RPS6KC1: variants seen among roughly 807,000 people sequenced by gnomAD.
The protein encoded by RPS6KC1 is ribosomal protein S6 kinase C1, also known as inactive ribosomal protein S6 kinase delta-1.
In RPS6KC1, 54 loss-of-function variants were observed where a neutral mutation model predicts 103.8. The observed-to-expected ratio is 0.52, with a 90% CI of 0.42 to 0.65. RPS6KC1 has a LOEUF of 0.65. Ranked by LOEUF, RPS6KC1 falls within the 30% of genes least tolerant of loss-of-function variation. RPS6KC1 has a pLI of 0.00. For synonymous variants in RPS6KC1, 439 were observed against 438.7 expected (o/e 1.00, Z -0.01); for missense variants, 1,151 against 1,253.8 (o/e 0.92, Z 1.24).
At chr1:213,296,554 G>T in the RPS6KC1 span, among the ~76,000 whole-genome samples, 1 of 152,194 alleles carries the variant, frequency 6.6e-6, no homozygotes, top group Non-Finnish European at 1.5e-5. Context: ...AACTGTAGAA[G>T]ATAATCAGCC....
the RPS6KC1 span, among the ~76,000 whole-genome samples, chr1:213,402,303 G>A: frequency 3.3e-5 from 5 of 152,136 alleles, no homozygotes; most frequent in Non-Finnish European, 7.3e-5. Context: ...CCCAGATGCC[G>A]CCAGCTGGTG....
the RPS6KC1 span, among the ~76,000 whole-genome samples, chr1:213,847,033 C>T: frequency 6.6e-6 from 1 of 152,162 alleles, no homozygotes; most frequent in East Asian, 1.9e-4. Context: ...TCTTGACCCT[C>T]CAGTGAGAGC....
At chr1:213,368,437 C>T in the RPS6KC1 span, among the ~76,000 whole-genome samples, 1 of 152,028 alleles carries the variant, frequency 6.6e-6, no homozygotes, top group Non-Finnish European at 1.5e-5. Context: ...TGAACTTCAT[C>T]CTAAAGTAAT....
chr1:213,539,437 A>G, the RPS6KC1 span, among the ~76,000 whole-genome samples: 24 of 152,200 alleles, frequency 1.6e-4, no homozygotes, highest in Admixed American at 1.6e-3. Context: ...TTTCTTTTTC[A>G]TGAGCCGTTC....
chr1:213,683,278 T>C, the RPS6KC1 span, among the ~76,000 whole-genome samples: 1 of 152,280 alleles, frequency 6.6e-6, no homozygotes, highest in African/African-American at 2.4e-5. Context: ...ATCTCCTCAG[T>C]TGCTTCCTGT....
chr1:213,069,013 A>G (rs2078623018), intron 1 of RPS6KC1, among the ~76,000 whole-genome samples: 1 of 151,858 alleles, frequency 6.6e-6, no homozygotes, highest in Non-Finnish European at 1.5e-5. Flanking sequence ...AGCTATGATC[A>G]TGCCATGGCA....
At chr1:213,591,846 C>T in the RPS6KC1 span, among the ~76,000 whole-genome samples, 1 of 152,208 alleles carries the variant, frequency 6.6e-6, no homozygotes, top group African/African-American at 2.4e-5. Flanking sequence ...AGTGCCCCTT[C>T]ACACCTTTCC....
chr1:213,594,559 A>G, the RPS6KC1 span, among the ~76,000 whole-genome samples: 1 of 152,312 alleles, frequency 6.6e-6, no homozygotes, highest in East Asian at 1.9e-4. Context: ...ACTTTTAATC[A>G]AGGCCCTCAA....
At chr1:213,792,846 C>A in the RPS6KC1 span, among the ~76,000 whole-genome samples, 1 of 151,200 alleles carries the variant, frequency 6.6e-6, no homozygotes, top group South Asian at 2.1e-4. Flanking sequence ...ACCACCCCCA[C>A]CCTTCACACA....
chr1:213,129,567 T>C lies in RPS6KC1; in HGVS notation c.513T>C (p.Asp171=), dbSNP rs2085355291. 6.2e-7 allele frequency: 1 copy of C among 1,613,418 alleles called. No homozygotes were observed. The highest frequency in any genetic ancestry group is 1.1e-5 in the South Asian group (1 of 90,988). ...SDSDLVSLTV[D]VDSLAELDDG... The stretch of plus-strand genomic sequence containing the variant: ...GTGATCTGGTATCTCTTACTGTTGA[T>C]GTGGATTCTCTTGCTGAGTTAGATG... The change falls in exon 6 of 15, where the codon GAT becomes GAC. Residue 171 remains aspartate, a synonymous_variant. Coordinates refer to ENST00000366960, the MANE Select transcript of RPS6KC1 (RefSeq NM_012424.6).
the RPS6KC1 span, among the ~76,000 whole-genome samples, chr1:213,360,618 A>G: frequency 6.6e-6 from 1 of 152,092 alleles, no homozygotes; most frequent in Admixed American, 6.5e-5. Context: ...GTTCCTTTGG[A>G]GGAGGAGAAG....
At chr1:213,835,892 C>A in the RPS6KC1 span, 1 of 151,942 alleles carries the variant, frequency 6.6e-6, no homozygotes, top group African/African-American at 2.4e-5. Flanking sequence ...GTGTGTGTGT[C>A]TTCATTATTT....
At chr1:213,794,026 C>A in the RPS6KC1 span, among the ~76,000 whole-genome samples, 1 of 152,102 alleles carries the variant, frequency 6.6e-6, no homozygotes, top group South Asian at 2.1e-4. Flanking sequence ...TTAGAAAAAC[C>A]GCAGAACATT....
At chr1:213,473,114 G>C in the RPS6KC1 span, among the ~76,000 whole-genome samples, 7 of 152,298 alleles carry the variant, frequency 4.6e-5, no homozygotes, top group East Asian at 9.7e-4. Context: ...AATGACCCTT[G>C]TTCACAGAAC....
At chr1:213,524,427 C>A in the RPS6KC1 span, among the ~76,000 whole-genome samples, 1 of 151,896 alleles carries the variant, frequency 6.6e-6, no homozygotes, top group Non-Finnish European at 1.5e-5. Context: ...GCCCAGGGGC[C>A]TGAGCCTCTG....
the RPS6KC1 span, among the ~76,000 whole-genome samples, chr1:213,452,950 C>T: frequency 6.6e-6 from 1 of 152,176 alleles, no homozygotes; most frequent in African/African-American, 2.4e-5. Context: ...TTAGCATTTC[C>T]AATCTGTCCA....
chr1:213,674,219 A>C, the RPS6KC1 span, among the ~76,000 whole-genome samples: 1 of 152,146 alleles, frequency 6.6e-6, no homozygotes, highest in African/African-American at 2.4e-5. Flanking sequence ...GGGTTTTGCC[A>C]TGTTGGCCAG....
the RPS6KC1 span, among the ~76,000 whole-genome samples, chr1:213,767,277 C>T: frequency 1.3e-5 from 2 of 152,208 alleles, no homozygotes; most frequent in Non-Finnish European, 2.9e-5. Flanking sequence ...ATCCACTTTT[C>T]CCAGGGCATA....
chr1:213,283,911 T>C, the RPS6KC1 span, among the ~76,000 whole-genome samples: 1 of 151,992 alleles, frequency 6.6e-6, no homozygotes, highest in Admixed American at 6.5e-5. Context: ...TTTATTCTCA[T>C]AGTTGAGGAA....
Sources: gnomAD v4.1 joint callset for allele counts (sites outside exome capture counted in the v4.1 genomes callset) on GRCh38, gnomAD v4.1.1 for gene constraint, MANE v1.5 for transcripts, NCBI Gene and HGNC (gene_info 2026-07-23, HGNC 2026-07-21) for gene names.